Variants in KCNQ3 observed in about 807,000 individuals in gnomAD.
KCNQ3 encodes potassium voltage-gated channel subfamily KQT member 3.
A neutral mutation model predicts 92.5 loss-of-function variants in KCNQ3; 30 were observed. That is an observed-to-expected ratio of 0.32 (90% CI 0.24 to 0.44). KCNQ3 has a LOEUF of 0.44. KCNQ3 is among the 20% of genes least tolerant of loss of function. The pLI is 1.00. For synonymous variants in KCNQ3, 450 were observed against 468.8 expected (o/e 0.96, Z 0.52); for missense variants, 913 against 1,140.3 (o/e 0.80, Z 2.87).
chr8:132,237,087 T>C (rs1384467552), intron 1 of KCNQ3, among the ~76,000 whole-genome samples: 1 of 152,232 alleles, frequency 6.6e-6, no homozygotes, highest in Non-Finnish European at 1.5e-5. Flanking sequence ...TCTAGCAATG[T>C]TATCCCCAGA....
At chr8:132,405,296 CAG>C (rs368164509) in intron 1 of KCNQ3, among the ~76,000 whole-genome samples, 1 of 152,186 alleles carries the variant, frequency 6.6e-6, no homozygotes, top group Non-Finnish European at 1.5e-5. Context: ...ATGGGGGAAG[CAG>C]AGTTTTCCCA....
At chr8:132,233,596 C>T (rs184201203) in intron 1 of KCNQ3, among the ~76,000 whole-genome samples, 52 of 152,246 alleles carry the variant, frequency 3.4e-4, no homozygotes, top group Middle Eastern at 3.4e-3. Context: ...GTTTGGTTTC[C>T]TCCTTAGACT....
At chr8:132,325,129 C>T (rs146531754) in intron 1 of KCNQ3, among the ~76,000 whole-genome samples, 1 of 152,158 alleles carries the variant, frequency 6.6e-6, no homozygotes, top group East Asian at 1.9e-4. Context: ...TGGTGATAGG[C>T]TGGCTTTCTC....
intron 1 of KCNQ3, among the ~76,000 whole-genome samples, chr8:132,231,454 A>G (rs1205469344): frequency 6.6e-6 from 1 of 152,216 alleles, no homozygotes. Context: ...GGATTTAAAT[A>G]TAGGGATTTG....
chr8:132,450,116 G>C (rs529576576), intron 1 of KCNQ3, among the ~76,000 whole-genome samples: 44 of 152,174 alleles, frequency 2.9e-4, no homozygotes, highest in African/African-American at 1.1e-3. Context: ...AGCTTCCACA[G>C]CATGGAAGGG....
At chr8:132,331,671 AC>A (rs1818235357) in intron 1 of KCNQ3, among the ~76,000 whole-genome samples, 1 of 152,202 alleles carries the variant, frequency 6.6e-6, no homozygotes, top group South Asian at 2.1e-4. Context: ...ACCTGTGTCC[AC>A]TGGGAATTTA....
At chr8:132,290,277 T>C (rs1816801055) in intron 1 of KCNQ3, among the ~76,000 whole-genome samples, 1 of 152,168 alleles carries the variant, frequency 6.6e-6, no homozygotes, top group Admixed American at 6.6e-5. Flanking sequence ...GACTAAAATC[T>C]AGTAGACAAT....
chr8:132,429,845 G>C (rs1216933519), intron 1 of KCNQ3, among the ~76,000 whole-genome samples: 4 of 131,182 alleles, frequency 3.0e-5, no homozygotes, highest in Non-Finnish European at 6.3e-5. Flanking sequence ...TGGGCAACAA[G>C]AGGGAAACTC....
chr8:132,335,648 G>A (rs185397703), intron 1 of KCNQ3, among the ~76,000 whole-genome samples: 1 of 152,160 alleles, frequency 6.6e-6, no homozygotes, highest in African/African-American at 2.4e-5. Flanking sequence ...CTGAAAAAAG[G>A]CAATTTCAAA....
chr8:132,303,745 G>A (rs1192687648), intron 1 of KCNQ3, among the ~76,000 whole-genome samples: 2 of 142,262 alleles, frequency 1.4e-5, no homozygotes, highest in Admixed American at 1.4e-4. Context: ...CCACACATAT[G>A]TGTATATATG....
At chr8:132,458,718 G>A (rs1479024410) in intron 1 of KCNQ3, among the ~76,000 whole-genome samples, 1 of 152,224 alleles carries the variant, frequency 6.6e-6, no homozygotes, top group Non-Finnish European at 1.5e-5. Flanking sequence ...GCCTCCCAAA[G>A]TGCTGGGATT....
intron 1 of KCNQ3, among the ~76,000 whole-genome samples, chr8:132,192,836 G>C (rs937023307): frequency 6.6e-6 from 1 of 152,066 alleles, no homozygotes; most frequent in Admixed American, 6.6e-5. Flanking sequence ...TTTTTAAAAC[G>C]AGATTTCACC....
chr8:132,379,637 A>C (rs766177370), intron 1 of KCNQ3, among the ~76,000 whole-genome samples: 8 of 152,160 alleles, frequency 5.3e-5, no homozygotes, highest in Non-Finnish European at 1.2e-4. Flanking sequence ...AAATAATAAT[A>C]TTCCCCAATT....
chr8:132,435,323 C>T (rs1821364124), intron 1 of KCNQ3, among the ~76,000 whole-genome samples: 1 of 152,172 alleles, frequency 6.6e-6, no homozygotes, highest in African/African-American at 2.4e-5. Context: ...AAGAACAGGT[C>T]TGGGGTCGTT....
rs1819998254 is a variant in KCNQ3 at position 132,389,732 on chromosome 8, C to A, written c.386+90415G>T. ...TTAAAGCCACAACAAGACACTGCCA[C>A]ATACCCATCAGAATGGCTAAAATTA... On this transcript the variant is annotated intron_variant, in intron 1 of 14. Transcript: ENST00000388996. Among the ~76,000 whole-genome samples the A allele has an allele frequency of 1.3e-5, 2 of 152,220 alleles. 1 individual carries two copies.
intron 1 of KCNQ3, among the ~76,000 whole-genome samples, chr8:132,429,729 G>T (rs972457709): frequency 2.0e-5 from 3 of 151,934 alleles, no homozygotes; most frequent in African/African-American, 7.3e-5. Flanking sequence ...AGGCGTGGTG[G>T]CAGATGCTGT....
chr8:132,464,609 G>A (rs1362046650), intron 1 of KCNQ3, among the ~76,000 whole-genome samples: 3 of 152,166 alleles, frequency 2.0e-5, no homozygotes, highest in Non-Finnish European at 4.4e-5. Flanking sequence ...TCGGACCTTG[G>A]ATTCTTCATG....
chr8:132,208,149 C>T (rs535213390), intron 1 of KCNQ3, among the ~76,000 whole-genome samples: 2 of 152,246 alleles, frequency 1.3e-5, no homozygotes, highest in South Asian at 4.1e-4. Context: ...TTACTCTGTA[C>T]CAAACCCTGT....
At chr8:132,217,946 T>C (rs540138443) in intron 1 of KCNQ3, among the ~76,000 whole-genome samples, 1 of 152,276 alleles carries the variant, frequency 6.6e-6, no homozygotes, top group East Asian at 1.9e-4. Flanking sequence ...GAAAAACAGT[T>C]TGTTCTCCTA....
Sources: allele counts gnomAD v4.1 joint callset (sites outside exome capture counted in the v4.1 genomes callset), GRCh38; gene constraint gnomAD v4.1.1; transcripts MANE v1.5; gene names NCBI Gene and HGNC (gene_info 2026-07-23, HGNC 2026-07-21).